Variants in GRM1 observed in about 807,000 individuals in gnomAD.
GRM1 encodes the protein metabotropic glutamate receptor 1.
GRM1 carries 33 observed loss-of-function variants against 90.9 expected under a neutral mutation model. The ratio of observed to expected loss-of-function variants is 0.36; its 90% CI spans 0.28 to 0.49. The LOEUF (loss-of-function observed/expected upper bound fraction) is 0.49, where lower values mean the gene tolerates loss of function less well. Ranked by LOEUF, GRM1 falls within the 20% of genes least tolerant of loss-of-function variation. The pLI is 0.99. For synonymous variants in GRM1, 700 were observed against 613.2 expected, an observed-to-expected ratio of 1.14 and a Z score of -2.09; for missense variants, 1,190 against 1,534.3, an observed-to-expected ratio of 0.78 and a Z score of 3.75.
intron 1 of GRM1, among the ~76,000 whole-genome samples, chr6:146,136,366 A>G (rs959436720): frequency 6.6e-6 from 1 of 152,188 alleles, no homozygotes; most frequent in African/African-American, 2.4e-5. Context: ...ACTGCTCTCC[A>G]TAGTGATTGT....
chr6:146,149,689 C>T (rs139136869), intron 1 of GRM1, among the ~76,000 whole-genome samples: 75 of 152,250 alleles, frequency 4.9e-4, no homozygotes, highest in African/African-American at 1.7e-3. Context: ...AGCTGTAAGG[C>T]ACAATGGGAA....
intron 2 of GRM1, among the ~76,000 whole-genome samples, chr6:146,187,063 A>C (rs534441467): frequency 2.0e-5 from 3 of 152,314 alleles, no homozygotes; most frequent in African/African-American, 7.2e-5. Context: ...ATTTAAAAGA[A>C]GGAGACCTAG....
intron 1 of GRM1, among the ~76,000 whole-genome samples, chr6:146,101,466 T>G (rs1346267873): frequency 2.6e-5 from 4 of 152,140 alleles, no homozygotes; most frequent in Non-Finnish European, 5.9e-5. Context: ...CCCTATATAC[T>G]CTATGTCTTT....
chr6:146,287,865 A>T (rs1049084765), intron 2 of GRM1, among the ~76,000 whole-genome samples: 2 of 152,240 alleles, frequency 1.3e-5, no homozygotes, highest in Non-Finnish European at 2.9e-5. Context: ...CAAAAGGAAG[A>T]CAGTCTGTTG....
chr6:146,030,824 A>G (rs930053392), intron 1 of GRM1, among the ~76,000 whole-genome samples: 1 of 152,180 alleles, frequency 6.6e-6, no homozygotes, highest in Non-Finnish European at 1.5e-5. Context: ...AAAGTAAGTA[A>G]TTTAAATAAT....
chr6:146,271,245 C>G (rs1329076919), intron 2 of GRM1, among the ~76,000 whole-genome samples: 1 of 152,086 alleles, frequency 6.6e-6, no homozygotes, highest in Non-Finnish European at 1.5e-5. Context: ...ACCTCATGAT[C>G]TGCCTGCCTC....
intron 3 of GRM1, among the ~76,000 whole-genome samples, chr6:146,342,346 T>C (rs1271912226): frequency 6.6e-6 from 1 of 152,228 alleles, no homozygotes; most frequent in South Asian, 2.1e-4. Context: ...ATAGATTATA[T>C]ATTGTCTGCA....
chr6:146,035,774 A>G (rs568809736), intron 1 of GRM1, among the ~76,000 whole-genome samples: 1 of 152,116 alleles, frequency 6.6e-6, no homozygotes, highest in African/African-American at 2.4e-5. Context: ...AAAAATTTTT[A>G]TCTTTATTTT....
intron 1 of GRM1, among the ~76,000 whole-genome samples, chr6:146,079,209 A>G (rs1776283514): frequency 6.6e-6 from 1 of 152,190 alleles, no homozygotes; most frequent in African/African-American, 2.4e-5. Context: ...GTTGCCCAGA[A>G]GCATTTGTTG....
chr6:146,293,098 A>G (rs965213444), intron 2 of GRM1, among the ~76,000 whole-genome samples: 8 of 151,980 alleles, frequency 5.3e-5, no homozygotes, highest in African/African-American at 1.9e-4. Flanking sequence ...AAGTGACTTG[A>G]TTGCCAGGGA....
chr6:146,215,439 A>G (rs192391715), intron 2 of GRM1, among the ~76,000 whole-genome samples: 1 of 152,092 alleles, frequency 6.6e-6, no homozygotes, highest in Non-Finnish European at 1.5e-5. Context: ...ACTTCCTAAT[A>G]TTACAAATCT....
At chr6:146,155,152 A>G (rs1000108491) in intron 1 of GRM1, among the ~76,000 whole-genome samples, 8 of 152,226 alleles carry the variant, frequency 5.3e-5, no homozygotes, top group Admixed American at 3.3e-4. Flanking sequence ...TAGGGGAAAA[A>G]GAAAAATAAA....
At chr6:146,221,202 A>G (rs1011473383) in intron 2 of GRM1, among the ~76,000 whole-genome samples, 1 of 152,140 alleles carries the variant, frequency 6.6e-6, no homozygotes, top group Admixed American at 6.6e-5. Context: ...GATTTTTTTA[A>G]AAATTATACT....
At chr6:146,334,073 C>G (rs1473886496) in intron 3 of GRM1, among the ~76,000 whole-genome samples, 1 of 152,174 alleles carries the variant, frequency 6.6e-6, no homozygotes, top group Non-Finnish European at 1.5e-5. Flanking sequence ...ATTGTCCTAA[C>G]CTGGGTTCTC....
intron 1 of GRM1, among the ~76,000 whole-genome samples, chr6:146,094,170 A>G (rs951152302): frequency 6.6e-6 from 1 of 152,172 alleles, no homozygotes; most frequent in African/African-American, 2.4e-5. Context: ...GTATTAAATT[A>G]GGATTAAACA....
chr6:146,069,420 C>A (rs761340576), intron 1 of GRM1, among the ~76,000 whole-genome samples: 7 of 152,066 alleles, frequency 4.6e-5, no homozygotes, highest in Non-Finnish European at 1.0e-4. Flanking sequence ...AAACTTATGA[C>A]CATCTCTAGA....
intron 3 of GRM1, among the ~76,000 whole-genome samples, chr6:146,308,004 A>G (rs577949760): frequency 1.9e-4 from 29 of 152,370 alleles, no homozygotes; most frequent in African/African-American, 6.5e-4. Context: ...ACATCAAAAC[A>G]TAACTTCTAA....
At chr6:146,260,483 T>C (rs748133190) in intron 2 of GRM1, among the ~76,000 whole-genome samples, 7 of 152,160 alleles carry the variant, frequency 4.6e-5, no homozygotes, top group Admixed American at 2.0e-4. Flanking sequence ...TGTTTTATAG[T>C]AGAATGATTT....
At chr6:146,263,665 A>G (rs1016653765) in intron 2 of GRM1, among the ~76,000 whole-genome samples, 3 of 152,054 alleles carry the variant, frequency 2.0e-5, no homozygotes, top group Admixed American at 2.0e-4. Context: ...GCACTGCAAC[A>G]TTTTGTAGCT....
Sources: gnomAD v4.1 joint callset for allele counts (sites outside exome capture counted in the v4.1 genomes callset) on GRCh38, gnomAD v4.1.1 for gene constraint, MANE v1.5 for transcripts, NCBI Gene and HGNC (gene_info 2026-07-23, HGNC 2026-07-21) for gene names.